The following C8orf34 variants were observed in gnomAD, a reference collection of about 807,000 sequenced individuals.
C8orf34 encodes the protein uncharacterized protein C8orf34.
C8orf34 carries 65 observed loss-of-function variants against 68.3 expected under a neutral mutation model. The ratio of observed to expected loss-of-function variants is 0.95; its 90% confidence interval spans 0.78 to 1.17. The LOEUF is 1.17. Among genes scored for constraint, C8orf34 ranks in the 50% most tolerant of loss-of-function variants. The pLI, the probability that C8orf34 is intolerant of heterozygous loss-of-function variation, is 0.00. For missense variants in C8orf34, 664 were observed against 655.4 expected, an observed-to-expected ratio of 1.01 and a Z score of -0.14; for synonymous variants, 244 against 241.2, an observed-to-expected ratio of 1.01 and a Z score of -0.11.
rs1409413380 is a variant in C8orf34, at chr8:68,465,050, A to C, written c.608-3642A>C. Reference sequence around the variant, plus strand: ...GGGAGAAAATTTTCGCAACCTGCTCATCTGACAAAGGGCTAATATCCAGAA... The same window carrying C: ...GGGAGAAAATTTTCGCAACCTGCTCCTCTGACAAAGGGCTAATATCCAGAA... On this transcript the variant is annotated intron_variant, in intron 3 of 13. Transcript: ENST00000518698. Among the ~76,000 whole-genome samples the C allele has an allele frequency of 4.6e-5, 7 of 151,956 alleles. No individual in the cohort carries two copies. In the East Asian group the frequency reaches 1.4e-3, roughly 29 times the overall value.
intron 1 of C8orf34, among the ~76,000 whole-genome samples, chr8:68,349,756 T>C (rs1257530299): frequency 1.3e-5 from 2 of 151,906 alleles, no homozygotes; most frequent in African/African-American, 4.8e-5. Flanking sequence ...TTCGAGTTTG[T>C]GTGTAATAGT....
chr8:68,613,379 G>T (rs577344966), intron 7 of C8orf34, among the ~76,000 whole-genome samples: 2 of 152,056 alleles, frequency 1.3e-5, no homozygotes, highest in East Asian at 3.9e-4. Context: ...TGCCATGCTG[G>T]TGTGTTGCAC....
intron 7 of C8orf34, among the ~76,000 whole-genome samples, chr8:68,621,544 C>T (rs578069872): frequency 6.6e-6 from 1 of 152,086 alleles, no homozygotes; most frequent in Non-Finnish European, 1.5e-5. Context: ...CTACGGTCAA[C>T]TTGGTTATGT....
At chr8:68,432,230 C>T (rs1810480889) in intron 1 of C8orf34, among the ~76,000 whole-genome samples, 1 of 150,706 alleles carries the variant, frequency 6.6e-6, no homozygotes, top group Non-Finnish European at 1.5e-5. Flanking sequence ...GTATGCAATT[C>T]TTAAATGTAT....
chr8:68,759,832 G>T (rs1822974019), intron 10 of C8orf34, among the ~76,000 whole-genome samples: 2 of 152,128 alleles, frequency 1.3e-5, no homozygotes, highest in Non-Finnish European at 1.5e-5. Flanking sequence ...TCACTTTCTA[G>T]GCTTAGTGCA....
intron 10 of C8orf34, among the ~76,000 whole-genome samples, chr8:68,735,413 G>T (rs1171372839): frequency 6.6e-6 from 1 of 152,180 alleles, no homozygotes; most frequent in African/African-American, 2.4e-5. Flanking sequence ...TGCATCATGT[G>T]AATGTTTTGT....
At chr8:68,746,205 A>G (rs1202390885) in intron 10 of C8orf34, among the ~76,000 whole-genome samples, 1 of 152,028 alleles carries the variant, frequency 6.6e-6, no homozygotes, top group Non-Finnish European at 1.5e-5. Context: ...AACACACAAC[A>G]TACCAGAATC....
chr8:68,477,006 G>T (rs1396576716), intron 4 of C8orf34, among the ~76,000 whole-genome samples: 1 of 152,166 alleles, frequency 6.6e-6, no homozygotes, highest in African/African-American at 2.4e-5. Flanking sequence ...AGTTTAGCAA[G>T]TGTATGGATT....
At chr8:68,794,467 C>T (rs1585894239) in intron 12 of C8orf34, among the ~76,000 whole-genome samples, 2 of 124,302 alleles carry the variant, frequency 1.6e-5, no homozygotes, top group African/African-American at 7.3e-5. Flanking sequence ...TCATTGTGCC[C>T]AGTATATAAA....
chr8:68,787,805 A>G (rs1823887363), intron 12 of C8orf34, among the ~76,000 whole-genome samples: 1 of 152,212 alleles, frequency 6.6e-6, no homozygotes, highest in East Asian at 1.9e-4. Flanking sequence ...TAGTTGGAAT[A>G]TGAATCTTCT....
intron 7 of C8orf34, among the ~76,000 whole-genome samples, chr8:68,633,193 A>G (rs964441227): frequency 6.6e-6 from 1 of 152,084 alleles, no homozygotes; most frequent in Non-Finnish European, 1.5e-5. Flanking sequence ...TGCTTGACAA[A>G]TCCTAAAACT....
chr8:68,629,840 A>G (rs1818638460), intron 7 of C8orf34, among the ~76,000 whole-genome samples: 1 of 151,916 alleles, frequency 6.6e-6, no homozygotes, highest in Admixed American at 6.6e-5. Context: ...AAGTGAAGTA[A>G]TGATAAGGGC....
chr8:68,448,303 G>A (rs1484416975), intron 3 of C8orf34, among the ~76,000 whole-genome samples: 2 of 151,888 alleles, frequency 1.3e-5, no homozygotes, highest in African/African-American at 4.8e-5. Context: ...TCACTAGACT[G>A]TTACCAAGCT....
chr8:68,331,783 CTTTTTTTTTTTTTTTTT>C (rs552564162), intron 1 of C8orf34, among the ~76,000 whole-genome samples: 5 of 29,468 alleles, frequency 1.7e-4, no homozygotes, highest in East Asian at 6.8e-4. Flanking sequence ...TTCTTTCCTT[CTTTTTTTTTTTTTTTTT>C]TTTTTTTTTT....
At chr8:68,645,190 A>C (rs192958961) in intron 8 of C8orf34, among the ~76,000 whole-genome samples, 1 of 152,262 alleles carries the variant, frequency 6.6e-6, no homozygotes, top group Non-Finnish European at 1.5e-5. Flanking sequence ...TTTTAGGGAA[A>C]GCTCTTAAAA....
At chr8:68,528,723 C>G (rs922341156) in intron 6 of C8orf34, among the ~76,000 whole-genome samples, 3 of 152,216 alleles carry the variant, frequency 2.0e-5, no homozygotes, top group African/African-American at 7.2e-5. Flanking sequence ...CACATATTCA[C>G]TCTCCTCAAT....
At chr8:68,776,263 C>A (rs567321774) in intron 10 of C8orf34, 136 bp from the exon 11 acceptor site, 3 of 666,698 alleles carry the variant, frequency 4.5e-6, no homozygotes, top group South Asian at 3.8e-5. Context: ...AACTAACAAT[C>A]CCACAAGTAT....
At chr8:68,654,534 A>G (rs1254880282) in intron 8 of C8orf34, among the ~76,000 whole-genome samples, 1 of 152,210 alleles carries the variant, frequency 6.6e-6, no homozygotes, top group East Asian at 1.9e-4. Context: ...CAACATTGCT[A>G]AATCCAGGTA....
intron 1 of C8orf34, among the ~76,000 whole-genome samples, chr8:68,378,108 A>T (rs953033674): frequency 6.6e-6 from 1 of 152,124 alleles, no homozygotes; most frequent in Non-Finnish European, 1.5e-5. Context: ...ACACAGCCAA[A>T]CCGTATCAGG....
Sources: allele counts gnomAD v4.1 joint callset (sites outside exome capture counted in the v4.1 genomes callset), GRCh38; gene constraint gnomAD v4.1.1; transcripts MANE v1.5; gene names NCBI Gene and HGNC (gene_info 2026-07-23, HGNC 2026-07-21).